Variants in KIAA2012 observed in about 807,000 individuals in gnomAD.
KIAA2012 encodes uncharacterized protein KIAA2012.
KIAA2012 carries 125 observed loss-of-function variants against 150.6 expected under a neutral mutation model. The observed-to-expected ratio is 0.83, with a 90% CI of 0.72 to 0.96. KIAA2012 has a LOEUF of 0.96. KIAA2012 is among the 40% of genes least tolerant of loss of function. The probability of loss-of-function intolerance (pLI) is 0.00; values close to 1 mark genes in which losing one functional copy is unlikely to be tolerated. For synonymous variants in KIAA2012, 462 were observed against 504.7 expected, an observed-to-expected ratio of 0.92 and a Z score of 1.13; for missense variants, 1,219 against 1,354.9, an observed-to-expected ratio of 0.90 and a Z score of 1.57.
intron 9 of KIAA2012, among the ~76,000 whole-genome samples, chr2:202,109,186 G>C (rs1396680317): frequency 1.3e-5 from 2 of 152,186 alleles, no homozygotes; most frequent in Non-Finnish European, 2.9e-5. Context: ...CTAAAGCTGG[G>C]ATCTCCCTAG....
At chr2:202,102,157 G>A (rs1191728002) in intron 7 of KIAA2012, among the ~76,000 whole-genome samples, 2 of 151,002 alleles carry the variant, frequency 1.3e-5, no homozygotes, top group Non-Finnish European at 2.9e-5. Flanking sequence ...TACCCCCAGT[G>A]AATCTCTCAT....
At position 202,104,289 on chromosome 2, in the gene KIAA2012, T is replaced by A. The variant is rs576068829; in HGVS notation, c.1324+1175T>A. ...AAATTACTCAGCTCCCTAAAAAAAA[T>A]AATAATAATAAATAAAATCAACAAC... On this transcript the variant is annotated intron_variant, in intron 8 of 23. Coordinates refer to ENST00000498697, the MANE Select transcript of KIAA2012 (RefSeq NM_001277372.4). The surrounding 1 kb of genome is among the most constrained non-coding windows in gnomAD (Gnocchi z 4.3). Among the ~76,000 whole-genome samples the A allele has an allele frequency of 1.1e-4, 16 of 152,200 alleles. No homozygotes were observed. Among genetic ancestry groups the A allele is most frequent in the East Asian group, 7.7e-4 (4 of 5,186 alleles).
In KIAA2012 at chr2:202,113,384, G is replaced by A. The variant is rs1213500373; in HGVS notation, c.1700G>A (p.Gly567Glu). 2 of 1,550,656 alleles carry A rather than the reference G, an allele frequency of 1.3e-6. No individual in the cohort carries two copies. The highest frequency in any genetic ancestry group is 1.7e-6 in the Non-Finnish European group (2 of 1,147,026). ...TLGHFLLGPDGEKVCLSLPGH... is the reference protein window; with the variant it reads ...TLGHFLLGPDEEKVCLSLPGH... ...GGACACTTCTTGCTGGGTCCAGATG[G>A]AGAAAAAGTCTGCCTGTCCCTCCCA... Residue 567 changes from glycine to glutamate, a missense_variant, in exon 11 of 24, where the codon GGA (glycine) becomes GAA (glutamate). By Grantham distance (98) the Gly-to-Glu change is moderately conservative. Coordinates refer to ENST00000498697, the MANE Select transcript of KIAA2012 (RefSeq NM_001277372.4).
intron 18 of KIAA2012, among the ~76,000 whole-genome samples, chr2:202,189,140 G>A (rs1254432618): frequency 4.6e-5 from 7 of 152,162 alleles, no homozygotes; most frequent in Non-Finnish European, 1.0e-4. Context: ...AAGGTGAAGC[G>A]AAGGAAGGGT....
At chr2:202,160,553 T>C (rs545614755) in intron 14 of KIAA2012, among the ~76,000 whole-genome samples, 7 of 152,248 alleles carry the variant, frequency 4.6e-5, no homozygotes, top group Admixed American at 4.6e-4. Flanking sequence ...GACCTCGTGA[T>C]CCGCCCACCT....
intron 15 of KIAA2012, among the ~76,000 whole-genome samples, chr2:202,171,580 T>G (rs1172924911): frequency 6.6e-6 from 1 of 152,056 alleles, no homozygotes; most frequent in Non-Finnish European, 1.5e-5. Context: ...GTCGCCTCCT[T>G]TAGTCTTTTC....
chr2:202,109,594 T>A lies in KIAA2012; in HGVS notation c.1475-19T>A. ...ATTCTGTTTTCTCACACAGGCTTTT[T>A]CCCCTTTTGTTTTTAAAGATGATGA... On this transcript the variant is annotated intron_variant, in intron 9 of 23. Transcript: ENST00000498697. 1 of 1,506,868 alleles carries A rather than the reference T, an allele frequency of 6.6e-7. No homozygotes were observed. The highest frequency in any genetic ancestry group is 8.9e-7 in the Non-Finnish European group (1 of 1,129,292). 93.3% of individuals were successfully genotyped at this position (1,506,868 alleles called of 1,614,324 possible). A position where few individuals can be genotyped will look rare whatever the true frequency, so the allele number is the denominator to read the frequency against.
intron 9 of KIAA2012, among the ~76,000 whole-genome samples, chr2:202,108,702 A>C (rs1482235745): frequency 6.6e-6 from 1 of 152,250 alleles, no homozygotes; most frequent in East Asian, 1.9e-4. Flanking sequence ...CAAGGGATGA[A>C]AAATGTCAGT....
chr2:202,139,234 GAAA>G lies in KIAA2012; in HGVS notation c.1908+742_1908+744del, dbSNP rs112360052. 1.4e-3 allele frequency among the ~76,000 whole-genome samples: 162 copies of G among 116,340 alleles called. 1 individual carries two copies. Among genetic ancestry groups the G allele is most frequent in the African/African-American group, 4.9e-3 (151 of 31,090 alleles). The allele number at this position is 116,340 out of a possible 152,430, so 76.3% of individuals were successfully genotyped here. ...AATCCAGAGTGAGACCCTGTCTCAGGAAAAAAAAAAAAAAAAAAGAATATCTAT... is the reference window on the plus strand; with the variant it reads ...AATCCAGAGTGAGACCCTGTCTCAGGAAAAAAAAAAAAAAAGAATATCTAT... On this transcript the variant is annotated intron_variant, in intron 13 of 23. Transcript: ENST00000498697.
chr2:202,140,801 C>T (rs921509581), intron 13 of KIAA2012, among the ~76,000 whole-genome samples: 5 of 152,176 alleles, frequency 3.3e-5, no homozygotes, highest in Non-Finnish European at 7.3e-5. Flanking sequence ...TGCGGCCTTT[C>T]CCACCCTGAA....
Position 202,135,309 on chromosome 2 carries a change from C to T in KIAA2012, c.1832-3123C>T, listed in dbSNP as rs186012872. Among the ~76,000 whole-genome samples, 374 of 152,340 alleles carry T rather than the reference C, an allele frequency of 2.5e-3. 3 individuals carry two copies. Among genetic ancestry groups the T allele is most frequent in the Non-Finnish European group, 2.8e-3 (192 of 68,036 alleles). On this transcript the variant is annotated intron_variant, in intron 12 of 23. Transcript: ENST00000498697. ...CTATAGTCTGTATAACCTGTATACA[C>T]TGTAAAAACTGGAATGTGCACACCA... is the stretch of plus-strand genomic sequence containing the variant.
Position 202,097,232 on chromosome 2 carries a change from T to C in KIAA2012, c.686-203T>C, listed in dbSNP as rs565494113. Among the ~76,000 whole-genome samples the C allele has an allele frequency of 7.2e-5, 11 of 152,366 alleles. No homozygotes were observed. The South Asian group carries it at 1.0e-3, about 14-fold the overall frequency. On this transcript the variant is annotated intron_variant, in intron 4 of 23. Coordinates refer to ENST00000498697, the MANE Select transcript of KIAA2012 (RefSeq NM_001277372.4). The stretch of plus-strand genomic sequence containing the variant: ...AAGACTCAACCCTGAGCCTCCTGAC[T>C]GCCAGTGCAGCTCTGTTTCCACAGA...
chr2:202,188,956 A>T (rs1452242175), intron 18 of KIAA2012, among the ~76,000 whole-genome samples: 1 of 152,130 alleles, frequency 6.6e-6, no homozygotes, highest in Non-Finnish European at 1.5e-5. Flanking sequence ...GATTCAGAAG[A>T]CCCTCCAAAC....
chr2:202,167,683 A>T (rs930905609), intron 15 of KIAA2012, among the ~76,000 whole-genome samples: 9 of 151,494 alleles, frequency 5.9e-5, no homozygotes, highest in Non-Finnish European at 8.8e-5. Flanking sequence ...GCCTCTAAAA[A>T]TTTTTTTTTA....
chr2:202,202,075 C>T (rs1396837748), intron 22 of KIAA2012, among the ~76,000 whole-genome samples: 1 of 152,224 alleles, frequency 6.6e-6, no homozygotes, highest in South Asian at 2.1e-4. Flanking sequence ...TCAGGCTGAT[C>T]TCAAACACCT....
chr2:202,108,229 AT>A (rs1387582006), intron 9 of KIAA2012, among the ~76,000 whole-genome samples: 1 of 152,140 alleles, frequency 6.6e-6, no homozygotes, highest in Non-Finnish European at 1.5e-5. Context: ...ATATATTTTT[AT>A]TTTATTGCTT....
intron 10 of KIAA2012, among the ~76,000 whole-genome samples, chr2:202,110,532 C>A (rs1443508349): frequency 6.6e-6 from 1 of 152,198 alleles, no homozygotes; most frequent in Admixed American, 6.5e-5. Flanking sequence ...TCGTTGAAGG[C>A]TTGGCCTGCT....
At chr2:202,092,536 T>G (rs1169620024) in intron 3 of KIAA2012, among the ~76,000 whole-genome samples, 1 of 152,196 alleles carries the variant, frequency 6.6e-6, no homozygotes, top group Non-Finnish European at 1.5e-5. Context: ...TCCAATAGAC[T>G]ACTGAGTGCC....
chr2:202,192,996 CA>C lies in KIAA2012; in HGVS notation c.2812-304del, dbSNP rs1340578409. ...ACTCTAGAACCTACCATGTACTGGA[CA>C]TTATGTTGGCACTTTCATTATTTCA... On this transcript the variant is annotated intron_variant, in intron 19 of 23. Transcript: ENST00000498697. 7.9e-5 allele frequency among the ~76,000 whole-genome samples: 12 copies of C among 152,276 alleles called. 1 individual carries two copies. In the South Asian group the frequency reaches 2.5e-3, roughly 32 times the overall value.
Sources: allele counts gnomAD v4.1 joint callset (sites outside exome capture counted in the v4.1 genomes callset), GRCh38; gene constraint gnomAD v4.1.1; non-coding constraint Gnocchi (gnomAD v3.1); transcripts MANE v1.5; gene names NCBI Gene and HGNC (gene_info 2026-07-23, HGNC 2026-07-21).